Variants in THSD7B observed in about 807,000 individuals in gnomAD.
THSD7B encodes the protein thrombospondin type-1 domain-containing protein 7B.
In THSD7B, 138 loss-of-function variants were observed where a neutral mutation model predicts 213.6. The ratio of observed to expected loss-of-function variants is 0.65; its 90% CI spans 0.56 to 0.74. The LOEUF (loss-of-function observed/expected upper bound fraction) is 0.74. Among genes scored for constraint, THSD7B ranks in the 30% least tolerant of loss-of-function variants. THSD7B has a pLI of 0.00. For missense variants in THSD7B, 1,931 were observed against 1,991.5 expected, an observed-to-expected ratio of 0.97 and a Z score of 0.58; for synonymous variants, 742 against 687.0, an observed-to-expected ratio of 1.08 and a Z score of -1.25.
At chr2:137,375,388 A>G (rs1685631037) in intron 12 of THSD7B, among the ~76,000 whole-genome samples, 1 of 152,202 alleles carries the variant, frequency 6.6e-6, no homozygotes, top group South Asian at 2.1e-4. Context: ...ACATTGAAAA[A>G]TGAATCTTAG....
intron 15 of THSD7B, among the ~76,000 whole-genome samples, chr2:137,526,791 A>G (rs1680288146): frequency 6.6e-6 from 1 of 152,170 alleles, no homozygotes; most frequent in Non-Finnish European, 1.5e-5. Context: ...TGTGGTGCAC[A>G]GTGATAAATG....
intron 1 of THSD7B, among the ~76,000 whole-genome samples, chr2:136,813,272 C>A (rs1335736929): frequency 2.6e-5 from 4 of 151,818 alleles, no homozygotes; most frequent in Non-Finnish European, 5.9e-5. Context: ...TATTATTATT[C>A]TTAATTAAAG....
chr2:137,521,637 A>G (rs1267625638), intron 15 of THSD7B, among the ~76,000 whole-genome samples: 5 of 152,214 alleles, frequency 3.3e-5, no homozygotes, highest in Non-Finnish European at 7.3e-5. Context: ...TTCTATGATC[A>G]GAGCATGGTT....
chr2:136,856,031 A>G (rs1490425378), intron 1 of THSD7B, among the ~76,000 whole-genome samples: 1 of 152,010 alleles, frequency 6.6e-6, no homozygotes, highest in Non-Finnish European at 1.5e-5. Flanking sequence ...TCCCATAAGC[A>G]CTTTCTATTA....
chr2:137,363,481 A>G (rs1368108585), intron 12 of THSD7B, among the ~76,000 whole-genome samples: 4 of 152,322 alleles, frequency 2.6e-5, no homozygotes, highest in African/African-American at 9.6e-5. Flanking sequence ...CAAAATTGAT[A>G]GACTGCTAGC....
intron 12 of THSD7B, among the ~76,000 whole-genome samples, chr2:137,290,371 G>T (rs1376867297): frequency 6.6e-6 from 1 of 152,106 alleles, no homozygotes; most frequent in Admixed American, 6.5e-5. Flanking sequence ...TTACAGGCGT[G>T]AGCCACAGCG....
At chr2:137,528,026 G>T (rs531770679) in intron 15 of THSD7B, among the ~76,000 whole-genome samples, 2 of 152,222 alleles carry the variant, frequency 1.3e-5, no homozygotes, top group African/African-American at 4.8e-5. Flanking sequence ...AGCTGGGCTT[G>T]AGTTTTTGTC....
intron 15 of THSD7B, among the ~76,000 whole-genome samples, chr2:137,504,962 AAGGAAGGG>A (rs1305298093): frequency 6.6e-6 from 1 of 151,940 alleles, no homozygotes; most frequent in Non-Finnish European, 1.5e-5. Flanking sequence ...TGAAGGAGAC[AAGGAAGGG>A]AGGAAGGGAG....
chr2:137,671,663 C>G (rs919922512), intron 27 of THSD7B, among the ~76,000 whole-genome samples: 1 of 152,128 alleles, frequency 6.6e-6, no homozygotes, highest in Non-Finnish European at 1.5e-5. Flanking sequence ...ATGGGGGAAG[C>G]GATGATTCAG....
chr2:137,365,162 C>T (rs1043529071), intron 12 of THSD7B, among the ~76,000 whole-genome samples: 18 of 152,120 alleles, frequency 1.2e-4, no homozygotes, highest in East Asian at 5.8e-4. Context: ...ATTCAATAAA[C>T]GGTGCTGGGA....
intron 3 of THSD7B, among the ~76,000 whole-genome samples, chr2:137,066,634 T>C (rs1687389162): frequency 6.6e-6 from 1 of 152,108 alleles, no homozygotes; most frequent in Admixed American, 6.6e-5. Flanking sequence ...TCTTTGTCTT[T>C]GATGTTCTGC....
chr2:136,932,379 TG>T (rs1209172467), intron 2 of THSD7B, among the ~76,000 whole-genome samples: 1 of 152,114 alleles, frequency 6.6e-6, no homozygotes, highest in Non-Finnish European at 1.5e-5. Context: ...ATGGAAACAG[TG>T]AAAATACAGT....
intron 17 of THSD7B, among the ~76,000 whole-genome samples, chr2:137,602,901 A>G (rs1184078933): frequency 6.6e-6 from 1 of 152,128 alleles, no homozygotes; most frequent in Non-Finnish European, 1.5e-5. Flanking sequence ...ACATGTCTGT[A>G]TCTACCATCC....
chr2:137,585,675 C>A (rs1681707807), intron 17 of THSD7B, among the ~76,000 whole-genome samples: 1 of 152,078 alleles, frequency 6.6e-6, no homozygotes, highest in Non-Finnish European at 1.5e-5. Flanking sequence ...ATCCTGAGTT[C>A]TAGTTTGATT....
At chr2:137,569,501 C>G (rs1230417475) in intron 16 of THSD7B, among the ~76,000 whole-genome samples, 1 of 152,080 alleles carries the variant, frequency 6.6e-6, no homozygotes, top group Non-Finnish European at 1.5e-5. Flanking sequence ...CCTGTGTGGA[C>G]CAGGGGAGAG....
intron 14 of THSD7B, among the ~76,000 whole-genome samples, chr2:137,430,288 A>G (rs925429419): frequency 2.0e-5 from 3 of 152,198 alleles, no homozygotes; most frequent in Admixed American, 6.5e-5. Context: ...TTAAGTGAAT[A>G]TCAATATAAA....
rs369691977 is a variant in THSD7B, at chr2:137,411,681, G to T, written c.2768G>T (p.Cys923Phe). 21 of 1,613,976 alleles carry T rather than the reference G, an allele frequency of 1.3e-5. No homozygotes were observed. The highest frequency in any genetic ancestry group is 1.7e-5 in the Non-Finnish European group (20 of 1,179,904). The change falls in exon 14 of 28, where the codon TGT becomes TTT. Residue 923 changes from cysteine to phenylalanine, a missense_variant. Cys to Phe is a radical substitution (Grantham distance 205). Coordinates refer to ENST00000409968, the MANE Select transcript of THSD7B (RefSeq NM_001316349.2). ...CTAGTGGAGACAGAACTATGTCCTT[G>T]TGATGAATTTATATCCCAACCTTAT... The part of the protein sequence containing the change: ...YPLVETELCP[C>F]DEFISQPYGN...
chr2:137,562,877 A>G (rs1321936664), intron 15 of THSD7B, among the ~76,000 whole-genome samples: 1 of 152,148 alleles, frequency 6.6e-6, no homozygotes, highest in Non-Finnish European at 1.5e-5. Context: ...ACAATATACC[A>G]TACAATTGAG....
At chr2:136,927,159 A>C (rs1308088397) in intron 2 of THSD7B, among the ~76,000 whole-genome samples, 1 of 151,794 alleles carries the variant, frequency 6.6e-6, no homozygotes, top group Non-Finnish European at 1.5e-5. Context: ...CCTTCTAGGA[A>C]AGTGCATTTC....
Sources: gnomAD v4.1 joint callset for allele counts (sites outside exome capture counted in the v4.1 genomes callset) on GRCh38, gnomAD v4.1.1 for gene constraint, MANE v1.5 for transcripts, NCBI Gene and HGNC (gene_info 2026-07-23, HGNC 2026-07-21) for gene names.